RBFOX1: variants seen among roughly 807,000 people sequenced by gnomAD.
RBFOX1 encodes the protein RNA binding fox-1 homolog 1, also known as RNA binding protein fox-1 homolog 1.
A neutral mutation model predicts 57.7 loss-of-function variants in RBFOX1; 8 were observed. That is an observed-to-expected ratio of 0.14 (90% CI 0.08 to 0.25). The LOEUF is 0.25. Ranked by LOEUF, RBFOX1 falls within the 10% of genes least tolerant of loss-of-function variation. The pLI, the probability that RBFOX1 is intolerant of heterozygous loss-of-function variation, is 1.00. For missense variants in RBFOX1, 611 were observed against 548.5 expected (o/e 1.11, Z -1.14); for synonymous variants, 326 against 222.4 (o/e 1.47, Z -4.15).
intron 2 of RBFOX1, among the ~76,000 whole-genome samples, chr16:6,586,518 G>C (rs754380229): frequency 6.6e-6 from 1 of 152,150 alleles, no homozygotes; most frequent in African/African-American, 2.4e-5. Flanking sequence ...AAACAGTATT[G>C]TCTCATGTGA....
intron 2 of RBFOX1, among the ~76,000 whole-genome samples, chr16:6,364,654 GT>G (rs1313164571): frequency 6.6e-6 from 1 of 152,154 alleles, no homozygotes; most frequent in Non-Finnish European, 1.5e-5. Flanking sequence ...TAGTTCTTTA[GT>G]TTCAAATGTG....
chr16:6,526,534 G>T (rs1414028366), intron 2 of RBFOX1, among the ~76,000 whole-genome samples: 1 of 151,942 alleles, frequency 6.6e-6, no homozygotes, highest in Non-Finnish European at 1.5e-5. Flanking sequence ...AATTCTTAAT[G>T]AAATACCCTA....
chr16:7,206,083 T>C (rs989118637), intron 4 of RBFOX1, among the ~76,000 whole-genome samples: 5 of 152,196 alleles, frequency 3.3e-5, no homozygotes, highest in African/African-American at 1.2e-4. Flanking sequence ...CTCAGTAAAA[T>C]GTTAAGCAGG....
chr16:6,677,827 A>C (rs371848466), intron 3 of RBFOX1, among the ~76,000 whole-genome samples: 2 of 152,166 alleles, frequency 1.3e-5, no homozygotes, highest in African/African-American at 4.8e-5. Context: ...TTATGTATCT[A>C]CCAGTGACTT....
At chr16:5,240,311 A>G (rs1224680251) in intron 1 of RBFOX1, among the ~76,000 whole-genome samples, 1 of 150,948 alleles carries the variant, frequency 6.6e-6, no homozygotes, top group Non-Finnish European at 1.5e-5. Flanking sequence ...CGACTTCCTG[A>G]TTCTCCCACG....
intron 1 of RBFOX1, among the ~76,000 whole-genome samples, chr16:5,294,598 G>A (rs750128039): frequency 1.3e-4 from 20 of 152,294 alleles, no homozygotes; most frequent in East Asian, 5.8e-4. Flanking sequence ...GGGTGGGGCC[G>A]AGGACTGTAC....
At chr16:5,590,635 C>G (rs1451364838) in intron 2 of RBFOX1, among the ~76,000 whole-genome samples, 2 of 152,120 alleles carry the variant, frequency 1.3e-5, no homozygotes, top group Non-Finnish European at 2.9e-5. Flanking sequence ...ACTCCCAGAT[C>G]GGGCACTGAG....
At chr16:6,616,235 T>A (rs1202786704) in intron 2 of RBFOX1, among the ~76,000 whole-genome samples, 2 of 152,240 alleles carry the variant, frequency 1.3e-5, no homozygotes, top group African/African-American at 4.8e-5. Flanking sequence ...ATGTCTGTGC[T>A]CATATTCTCC....
At chr16:7,278,872 A>T (rs1027537921) in intron 4 of RBFOX1, among the ~76,000 whole-genome samples, 1 of 152,178 alleles carries the variant, frequency 6.6e-6, no homozygotes, top group Non-Finnish European at 1.5e-5. Flanking sequence ...GCCTAAATTT[A>T]TCTTGTCGAA....
In RBFOX1 at chr16:7,671,576, G is replaced by C; in HGVS notation, c.931-5198G>C. 2 of 1,611,822 alleles carry C rather than the reference G, an allele frequency of 1.2e-6. No individual in the cohort carries two copies. Among genetic ancestry groups the C allele is most frequent in the Non-Finnish European group, 1.7e-6 (2 of 1,178,026 alleles). The stretch of plus-strand genomic sequence containing the variant: ...TTATAGAGTAGTGTATCAAGAGCCT[G>C]TGTATGGCAATAAATTGCTGCAGGT... On this transcript the variant is annotated intron_variant, in intron 13 of 15. Transcript: ENST00000550418.
chr16:7,128,519 C>A (rs955060935), intron 4 of RBFOX1, among the ~76,000 whole-genome samples: 4 of 152,130 alleles, frequency 2.6e-5, no homozygotes, highest in Non-Finnish European at 4.4e-5. Flanking sequence ...AGCAAGCTAG[C>A]CTGGTTCACT....
chr16:5,248,540 G>A (rs747567355), intron 1 of RBFOX1, among the ~76,000 whole-genome samples: 2 of 152,176 alleles, frequency 1.3e-5, no homozygotes, highest in Non-Finnish European at 2.9e-5. Flanking sequence ...GGCTCCCTCT[G>A]ACCCTCTAGA....
intron 1 of RBFOX1, among the ~76,000 whole-genome samples, chr16:6,081,079 G>C (rs1386353404): frequency 6.6e-6 from 1 of 152,158 alleles, no homozygotes; most frequent in East Asian, 1.9e-4. Context: ...GATTTTAAAT[G>C]AATGTGGAGC....
chr16:5,246,722 GTGCA>G (rs1351832878), intron 1 of RBFOX1, among the ~76,000 whole-genome samples: 9 of 150,586 alleles, frequency 6.0e-5, no homozygotes, highest in African/African-American at 2.2e-4. Context: ...CCAGGCTGTA[GTGCA>G]GGGGTGTGAT....
At chr16:6,843,267 G>T (rs1192489315) in intron 3 of RBFOX1, among the ~76,000 whole-genome samples, 1 of 152,046 alleles carries the variant, frequency 6.6e-6, no homozygotes, top group Non-Finnish European at 1.5e-5. Context: ...GCAGTATCAA[G>T]TTAGCCAAGG....
intron 4 of RBFOX1, among the ~76,000 whole-genome samples, chr16:7,424,636 T>C (rs1173627239): frequency 3.3e-5 from 5 of 152,190 alleles, no homozygotes; most frequent in Admixed American, 2.6e-4. Context: ...GTTCACAAGG[T>C]ACATAATGCA....
chr16:7,506,591 A>ATCC (rs2073389203), intron 4 of RBFOX1, among the ~76,000 whole-genome samples: 1 of 151,588 alleles, frequency 6.6e-6, no homozygotes, highest in Non-Finnish European at 1.5e-5. Context: ...CATCATCATC[A>ATCC]TCATCATCAT....
intron 5 of RBFOX1, among the ~76,000 whole-genome samples, 180 bp from the exon 6 acceptor site, chr16:7,579,597 C>G (rs2093597008): frequency 6.6e-6 from 1 of 152,116 alleles, no homozygotes; most frequent in Admixed American, 6.5e-5. Flanking sequence ...TAATGAGCAC[C>G]CAGTGGACGC....
At chr16:7,377,727 C>T (rs1165745656) in intron 4 of RBFOX1, among the ~76,000 whole-genome samples, 1 of 152,180 alleles carries the variant, frequency 6.6e-6, no homozygotes, top group African/African-American at 2.4e-5. Context: ...CAATTTCAGG[C>T]ACCAGAGACA....
Sources: allele counts gnomAD v4.1 joint callset (sites outside exome capture counted in the v4.1 genomes callset), GRCh38; gene constraint gnomAD v4.1.1; transcripts MANE v1.5; gene names NCBI Gene and HGNC (gene_info 2026-07-23, HGNC 2026-07-21).